The following PPP2R2C variants were observed in gnomAD, a reference collection of about 807,000 sequenced individuals.
PPP2R2C encodes the protein protein phosphatase 2 regulatory subunit Bgamma, also known as protein phosphatase 2, regulatory subunit B, gamma.
PPP2R2C carries 10 observed loss-of-function variants against 45.3 expected under a neutral mutation model. The ratio of observed to expected loss-of-function variants is 0.22; its 90% CI spans 0.14 to 0.37. The LOEUF (loss-of-function observed/expected upper bound fraction) is 0.37. PPP2R2C is among the 10% of genes least tolerant of loss of function. PPP2R2C has a pLI of 1.00. For missense variants in PPP2R2C, 308 were observed against 619.7 expected (o/e 0.50, Z 5.34); for synonymous variants, 257 against 245.4 (o/e 1.05, Z -0.44).
chr4:6,450,532 C>A (rs947151772), intron 1 of PPP2R2C, among the ~76,000 whole-genome samples: 1 of 152,106 alleles, frequency 6.6e-6, no homozygotes, highest in Admixed American at 6.5e-5. Flanking sequence ...CCAGCCCCGA[C>A]CATCAAGGCA....
At chr4:6,486,910 T>G (rs1722546673) in intron 2 of PPP2R2C, among the ~76,000 whole-genome samples, 1 of 152,068 alleles carries the variant, frequency 6.6e-6, no homozygotes, top group African/African-American at 2.4e-5. Context: ...CCATTTTCCT[T>G]TGTTCCCTTC....
chr4:6,363,652 T>C (rs904404073), intron 5 of PPP2R2C, among the ~76,000 whole-genome samples: 3 of 151,950 alleles, frequency 2.0e-5, no homozygotes, highest in Non-Finnish European at 4.4e-5. Flanking sequence ...GAGATGTCCA[T>C]GAACATGGAT....
chr4:6,494,922 G>A (rs1381218011), intron 2 of PPP2R2C, among the ~76,000 whole-genome samples: 4 of 152,258 alleles, frequency 2.6e-5, no homozygotes, highest in African/African-American at 9.6e-5. Flanking sequence ...CTGAGACCAG[G>A]ATGGTGGTGG....
At chr4:6,549,174 G>A (rs1043109770) in intron 1 of PPP2R2C, among the ~76,000 whole-genome samples, 3 of 152,128 alleles carry the variant, frequency 2.0e-5, no homozygotes, top group African/African-American at 4.8e-5. Context: ...TCATCCCCTG[G>A]TTCTCACTTT....
chr4:6,335,664 GC>G (rs1325870200), intron 6 of PPP2R2C, among the ~76,000 whole-genome samples: 1 of 152,000 alleles, frequency 6.6e-6, no homozygotes, highest in Non-Finnish European at 1.5e-5. Flanking sequence ...GGAAGTTCCA[GC>G]ACCCGGTGGG....
At chr4:6,399,196 G>A (rs1288978336) in intron 1 of PPP2R2C, among the ~76,000 whole-genome samples, 1 of 152,138 alleles carries the variant, frequency 6.6e-6, no homozygotes, top group Non-Finnish European at 1.5e-5. Context: ...TACATAGCTT[G>A]CCAATTCTAA....
intron 6 of PPP2R2C, among the ~76,000 whole-genome samples, chr4:6,344,747 C>T (rs945830187): frequency 6.6e-6 from 1 of 152,180 alleles, no homozygotes; most frequent in African/African-American, 2.4e-5. Context: ...TTCTCTGTTT[C>T]CACTTTTCTG....
At chr4:6,412,329 C>T (rs547370171) in intron 1 of PPP2R2C, among the ~76,000 whole-genome samples, 1 of 152,288 alleles carries the variant, frequency 6.6e-6, no homozygotes, top group Admixed American at 6.5e-5. Context: ...AACTGTTCAC[C>T]TTACTGACCC....
At chr4:6,552,956 C>T (rs991128078) in intron 1 of PPP2R2C, among the ~76,000 whole-genome samples, 9 of 152,194 alleles carry the variant, frequency 5.9e-5, no homozygotes, top group Admixed American at 4.6e-4. Flanking sequence ...GTTGGGGTCT[C>T]ACTGGAGGCA....
intron 1 of PPP2R2C, among the ~76,000 whole-genome samples, chr4:6,438,130 C>T (rs1350285973): frequency 6.6e-6 from 1 of 152,218 alleles, no homozygotes; most frequent in Non-Finnish European, 1.5e-5. Flanking sequence ...TGAGTCACAG[C>T]CCTATTACAG....
chr4:6,489,219 C>T (rs189017357), intron 2 of PPP2R2C, among the ~76,000 whole-genome samples: 1 of 152,346 alleles, frequency 6.6e-6, no homozygotes, highest in East Asian at 1.9e-4. Flanking sequence ...TCCCATCATT[C>T]AATGATCACT....
At chr4:6,506,313 C>G (rs750003682) in intron 2 of PPP2R2C, among the ~76,000 whole-genome samples, 7 of 152,230 alleles carry the variant, frequency 4.6e-5, no homozygotes, top group Non-Finnish European at 1.0e-4. Flanking sequence ...GATCTGTACA[C>G]TTTACGGAAC....
chr4:6,433,787 A>G (rs1719748140), intron 1 of PPP2R2C, among the ~76,000 whole-genome samples: 1 of 152,116 alleles, frequency 6.6e-6, no homozygotes, highest in Non-Finnish European at 1.5e-5. Context: ...CCATCTGACA[A>G]CTCTGAGACC....
chr4:6,354,559 C>T (rs900983656), intron 5 of PPP2R2C, among the ~76,000 whole-genome samples: 20 of 152,058 alleles, frequency 1.3e-4, no homozygotes, highest in Admixed American at 5.9e-4. Flanking sequence ...ATGACTGATC[C>T]GTGGGCAAAT....
chr4:6,400,830 G>A (rs1018647528), intron 1 of PPP2R2C, among the ~76,000 whole-genome samples: 8 of 152,182 alleles, frequency 5.3e-5, no homozygotes, highest in South Asian at 2.1e-4. Flanking sequence ...AACTGAAGCC[G>A]TTGCTAGCTT....
Position 6,329,175 on chromosome 4 carries a change from C to A in PPP2R2C, c.1052+87G>T. 7.8e-7 allele frequency: 1 copy of A among 1,277,556 alleles called. No individual in the cohort carries two copies. Among genetic ancestry groups the A allele is most frequent in the South Asian group, 1.3e-5 (1 of 78,630 alleles). The allele number at this position is 1,277,556 out of a possible 1,614,324, so 79.1% of individuals were successfully genotyped here. ...ATTGAGGCTGAGTAGCCCCATGCTGCGGGTCACCGGAATCCCAGCCCAGAC... is the reference window on the plus strand; with the variant it reads ...ATTGAGGCTGAGTAGCCCCATGCTGAGGGTCACCGGAATCCCAGCCCAGAC... On this transcript the variant is annotated intron_variant, in intron 8 of 8. Transcript: ENST00000382599. The surrounding 1 kb of genome is among the most constrained non-coding windows in gnomAD (Gnocchi z 5.8).
intron 1 of PPP2R2C, among the ~76,000 whole-genome samples, chr4:6,467,881 G>T (rs1367854432): frequency 6.6e-6 from 1 of 152,166 alleles, no homozygotes; most frequent in African/African-American, 2.4e-5. Context: ...TCAGATGGCT[G>T]CCAGCCACCA....
At chr4:6,370,693 A>T (rs908363363) in intron 5 of PPP2R2C, among the ~76,000 whole-genome samples, 2 of 152,230 alleles carry the variant, frequency 1.3e-5, no homozygotes, top group African/African-American at 4.8e-5. Flanking sequence ...CCAGAGAGCC[A>T]TCACCCACGA....
At chr4:6,349,023 A>C in intron 5 of PPP2R2C, 1 of 985,138 alleles carries the variant, frequency 1.0e-6, no homozygotes, top group Non-Finnish European at 1.2e-6. Context: ...CCCCGGCCCC[A>C]GCACCTGCTC....
Sources: allele counts gnomAD v4.1 joint callset (sites outside exome capture counted in the v4.1 genomes callset), GRCh38; gene constraint gnomAD v4.1.1; non-coding constraint Gnocchi (gnomAD v3.1); transcripts MANE v1.5; gene names NCBI Gene and HGNC (gene_info 2026-07-23, HGNC 2026-07-21).